The following KIAA1217 variants were observed in gnomAD, a reference collection of about 807,000 sequenced individuals.
KIAA1217 encodes the protein KIAA1217, also known as sickle tail protein homolog.
A neutral mutation model predicts 163.9 loss-of-function variants in KIAA1217; 88 were observed. The observed-to-expected ratio is 0.54, with a 90% confidence interval of 0.45 to 0.64. The LOEUF is 0.64. KIAA1217 is among the 30% of genes least tolerant of loss of function. KIAA1217 has a pLI of 0.00. For missense variants in KIAA1217, 2,372 were observed against 2,475.0 expected, an observed-to-expected ratio of 0.96 and a Z score of 0.88; for synonymous variants, 903 against 923.1, an observed-to-expected ratio of 0.98 and a Z score of 0.39.
intron 2 of KIAA1217, among the ~76,000 whole-genome samples, chr10:24,373,233 T>C (rs2051943618): frequency 6.6e-6 from 1 of 152,164 alleles, no homozygotes; most frequent in South Asian, 2.1e-4. Flanking sequence ...TTCTTGCAAA[T>C]GGAATACAGG....
At chr10:24,088,048 A>G (rs2061766463) in intron 2 of KIAA1217, among the ~76,000 whole-genome samples, 1 of 123,866 alleles carries the variant, frequency 8.1e-6, no homozygotes, top group Non-Finnish European at 2.0e-5. Flanking sequence ...TTACTGGGCC[A>G]TTCCCATTCC....
At chr10:24,269,538 T>C (rs934296020) in intron 2 of KIAA1217, among the ~76,000 whole-genome samples, 1 of 151,992 alleles carries the variant, frequency 6.6e-6, no homozygotes, top group Non-Finnish European at 1.5e-5. Flanking sequence ...AACAAAAAGA[T>C]TGCTTTAAAC....
intron 2 of KIAA1217, among the ~76,000 whole-genome samples, chr10:24,267,245 T>G (rs1352761291): frequency 6.6e-6 from 1 of 152,218 alleles, no homozygotes; most frequent in Non-Finnish European, 1.5e-5. Context: ...TTCACATAGC[T>G]GCTGGGAAGA....
At chr10:23,764,246 A>G (rs115840966) in intron 1 of KIAA1217, among the ~76,000 whole-genome samples, 6,874 of 152,254 alleles carry the variant, frequency 0.045, 511 homozygotes, top group African/African-American at 0.15. Context: ...AATAAAAACC[A>G]CAATGAGTTA....
chr10:23,840,374 C>T (rs1300939830), intron 1 of KIAA1217, among the ~76,000 whole-genome samples: 2 of 151,992 alleles, frequency 1.3e-5, no homozygotes, highest in Non-Finnish European at 2.9e-5. Context: ...CAGGCTGTCT[C>T]GAACTCCTGA....
chr10:24,081,627 T>A (rs1025139086), intron 2 of KIAA1217, among the ~76,000 whole-genome samples: 22 of 152,150 alleles, frequency 1.4e-4, no homozygotes, highest in African/African-American at 4.8e-4. Context: ...AGGTGTCCAA[T>A]CTTTTGGCTT....
chr10:23,766,558 TTTTTC>T (rs1032814171), intron 1 of KIAA1217, among the ~76,000 whole-genome samples: 3 of 151,612 alleles, frequency 2.0e-5, no homozygotes, highest in Admixed American at 2.0e-4. Flanking sequence ...TTCTTTTTTC[TTTTTC>T]TTTTCTTTTT....
chr10:23,870,820 C>T (rs1042920516), intron 1 of KIAA1217, among the ~76,000 whole-genome samples: 1 of 152,188 alleles, frequency 6.6e-6, no homozygotes, highest in African/African-American at 2.4e-5. Context: ...CATCAGCACC[C>T]TAAGTCAATT....
intron 1 of KIAA1217, among the ~76,000 whole-genome samples, chr10:23,993,065 T>G (rs1846291667): frequency 7.2e-6 from 1 of 139,752 alleles, no homozygotes; most frequent in Non-Finnish European, 1.5e-5. Flanking sequence ...GGAGTCTTAC[T>G]CTGTTGCCCA....
intron 6 of KIAA1217, among the ~76,000 whole-genome samples, chr10:24,489,365 T>G (rs778727020): frequency 6.6e-6 from 1 of 152,224 alleles, no homozygotes; most frequent in Non-Finnish European, 1.5e-5. Context: ...TCAGCCATCT[T>G]CTGTAATATG....
intron 1 of KIAA1217, among the ~76,000 whole-genome samples, chr10:23,917,304 C>A (rs1371260935): frequency 6.6e-6 from 1 of 152,142 alleles, no homozygotes; most frequent in Non-Finnish European, 1.5e-5. Flanking sequence ...GTCCCTCACT[C>A]AGAAGGAACC....
chr10:23,859,563 A>C (rs1327833462), intron 1 of KIAA1217, among the ~76,000 whole-genome samples: 1 of 152,244 alleles, frequency 6.6e-6, no homozygotes, highest in African/African-American at 2.4e-5. Flanking sequence ...CACTATCTAC[A>C]ATAGTCAGAC....
rs1229370789 is a variant in KIAA1217 at position 23,704,172 on chromosome 10, G to GTGTGTGTATATATATA, written c.-321+8939_-321+8940insGTGTGTATATATATAT. On this transcript the variant is annotated intron_variant, in intron 1 of 18. Transcript: ENST00000376462. ...TGTGTGTGTGTGTGTGTGTGTGTGT[G>GTGTGTGTATATATATA]TATATATATATATATATATATATAT... 1.4e-3 allele frequency among the ~76,000 whole-genome samples: 55 copies of GTGTGTGTATATATATA among 39,930 alleles called. 1 individual carries two copies. The highest frequency in any genetic ancestry group is 3.1e-3 in the Admixed American group (10 of 3,206). 26.2% of individuals were successfully genotyped at this position (39,930 alleles called of 152,430 possible).
chr10:23,702,478 T>G (rs906783080), intron 1 of KIAA1217, among the ~76,000 whole-genome samples: 3 of 152,186 alleles, frequency 2.0e-5, no homozygotes, highest in Non-Finnish European at 2.9e-5. Context: ...GGGAAACCTA[T>G]TTAATTTATG....
chr10:24,239,728 C>T (rs1179512563), intron 2 of KIAA1217, among the ~76,000 whole-genome samples: 5 of 137,090 alleles, frequency 3.6e-5, no homozygotes, highest in African/African-American at 1.8e-4. Flanking sequence ...TTCTTTTACT[C>T]TTACGACAAA....
chr10:23,731,791 T>C (rs76546306), intron 1 of KIAA1217, among the ~76,000 whole-genome samples: 1,713 of 152,260 alleles, frequency 0.011, 30 homozygotes, highest in African/African-American at 0.04. Context: ...CCTCTAAGAT[T>C]TTTGTTTTTT....
intron 2 of KIAA1217, among the ~76,000 whole-genome samples, chr10:24,248,697 A>AAAAAATT (rs2074130142): frequency 1.3e-5 from 2 of 150,340 alleles, no homozygotes; most frequent in African/African-American, 4.9e-5. Context: ...AAAAAAAAAA[A>AAAAAATT]TGTCCCTCAT....
intron 2 of KIAA1217, among the ~76,000 whole-genome samples, chr10:24,374,724 G>C (rs527404647): frequency 1.3e-5 from 2 of 152,176 alleles, no homozygotes; most frequent in Admixed American, 1.3e-4. Context: ...CACAGAAGCC[G>C]TGGGAAGTTG....
At chr10:24,390,301 A>G (rs1308476408) in intron 3 of KIAA1217, among the ~76,000 whole-genome samples, 2 of 152,194 alleles carry the variant, frequency 1.3e-5, no homozygotes, top group Non-Finnish European at 2.9e-5. Context: ...TTTTCAAACT[A>G]TGTTCTAGAG....
Sources: gnomAD v4.1 joint callset for allele counts (sites outside exome capture counted in the v4.1 genomes callset) on GRCh38, gnomAD v4.1.1 for gene constraint, MANE v1.5 for transcripts, NCBI Gene and HGNC (gene_info 2026-07-23, HGNC 2026-07-21) for gene names.